DGKH: variants seen among roughly 807,000 people sequenced by gnomAD.
DGKH encodes DAG kinase eta.
Under a neutral mutation model 159.3 loss-of-function variants are expected in DGKH, and 90 were observed. The ratio of observed to expected loss-of-function variants is 0.57; its 90% confidence interval spans 0.48 to 0.67. DGKH has a LOEUF of 0.67. Among genes scored for constraint, DGKH ranks in the 30% least tolerant of loss-of-function variants. The probability of loss-of-function intolerance (pLI) is 0.00; values close to 1 mark genes in which losing one functional copy is unlikely to be tolerated. For missense variants in DGKH, 1,181 were observed against 1,506.1 expected (o/e 0.78, Z 3.57); for synonymous variants, 536 against 553.8 (o/e 0.97, Z 0.45).
chr13:42,177,252 C>A (rs1284253565), intron 12 of DGKH, among the ~76,000 whole-genome samples: 1 of 130,830 alleles, frequency 7.6e-6, no homozygotes, highest in Non-Finnish European at 1.7e-5. Context: ...AGATTGGTAT[C>A]TGTTTTGTAC....
intron 7 of DGKH, among the ~76,000 whole-genome samples, chr13:42,161,584 A>G (rs1480853762): frequency 6.7e-6 from 1 of 149,816 alleles, no homozygotes; most frequent in African/African-American, 2.4e-5. Flanking sequence ...GATCAAGACC[A>G]TCCTGGCTAA....
chr13:42,094,078 T>C (rs1954474853), intron 1 of DGKH, among the ~76,000 whole-genome samples: 1 of 129,348 alleles, frequency 7.7e-6, no homozygotes, highest in African/African-American at 3.0e-5. Context: ...TGAGAACACA[T>C]GGACACAGGA....
intron 3 of DGKH, among the ~76,000 whole-genome samples, chr13:42,145,136 T>G (rs1387017160): frequency 6.6e-6 from 1 of 152,172 alleles, no homozygotes; most frequent in Non-Finnish European, 1.5e-5. Flanking sequence ...CAAAAAGAGA[T>G]TTTCTATTTA....
intron 1 of DGKH, among the ~76,000 whole-genome samples, chr13:42,122,356 G>A (rs9590665): frequency 3.0e-4 from 46 of 152,172 alleles, no homozygotes; most frequent in Non-Finnish European, 5.7e-4. Context: ...AAGTCCAAGG[G>A]CATAGCTGGG....
chr13:42,222,850 G>C (rs1023691737), intron 29 of DGKH, among the ~76,000 whole-genome samples: 1 of 152,034 alleles, frequency 6.6e-6, no homozygotes, highest in Admixed American at 6.6e-5. Flanking sequence ...TACAAACATA[G>C]ATATATACAG....
chr13:42,044,168 C>G (rs1424273810), upstream of DGKH: 1 of 152,244 alleles, frequency 6.6e-6, no homozygotes, highest in Non-Finnish European at 1.5e-5. Flanking sequence ...TCTCCTCATT[C>G]ATTTTTGATG....
At chr13:42,109,878 G>C (rs1372723870) in intron 1 of DGKH, among the ~76,000 whole-genome samples, 1 of 152,030 alleles carries the variant, frequency 6.6e-6, no homozygotes, top group African/African-American at 2.4e-5. Flanking sequence ...TCCTTTTTAG[G>C]GGTATCAGTC....
intron 3 of DGKH, among the ~76,000 whole-genome samples, chr13:42,145,064 T>C (rs1220936036): frequency 1.3e-5 from 2 of 152,218 alleles, no homozygotes; most frequent in African/African-American, 4.8e-5. Context: ...GATTCCCCTT[T>C]GCATTTTATT....
At chr13:42,127,069 C>G (rs1955185245) in intron 1 of DGKH, among the ~76,000 whole-genome samples, 1 of 152,156 alleles carries the variant, frequency 6.6e-6, no homozygotes, top group Non-Finnish European at 1.5e-5. Flanking sequence ...TGAGATCATC[C>G]AGCTACTAAG....
chr13:42,161,424 G>A (rs1029499930), intron 7 of DGKH, among the ~76,000 whole-genome samples: 6 of 152,052 alleles, frequency 3.9e-5, no homozygotes, highest in African/African-American at 1.2e-4. Context: ...CAAGGTGGGC[G>A]GATCATGGGG....
Position 42,236,456 on chromosome 13 carries a change from A to G in DGKH, c.*7268A>G, listed in dbSNP as rs1349998637. 5 of 152,208 alleles carry G rather than the reference A, an allele frequency of 3.3e-5. No individual in the cohort carries two copies. Among genetic ancestry groups the G allele is most frequent in the Non-Finnish European group, 5.9e-5 (4 of 68,030 alleles). 9.4% of individuals were successfully genotyped at this position (152,208 alleles called of 1,614,324 possible). On this transcript the variant is annotated 3_prime_UTR_variant, in exon 30 of 30. Coordinates refer to ENST00000337343, the MANE Select transcript of DGKH (RefSeq NM_178009.5). ...TATTTTTTTAAAATATAAAGCCAAA[A>G]TGAATTCACCAATATTAAGGATTTA...
chr13:42,086,028 C>A (rs1206322052), intron 1 of DGKH, among the ~76,000 whole-genome samples: 1 of 152,000 alleles, frequency 6.6e-6, no homozygotes, highest in Admixed American at 6.6e-5. Context: ...AAGCGATTCT[C>A]GTGCCTCAGC....
At position 42,184,235 on chromosome 13, in the gene DGKH, A is replaced by G. The variant is rs1323279178; in HGVS notation, c.1539-2814A>G. Among the ~76,000 whole-genome samples, 3 of 152,082 alleles carry G rather than the reference A, an allele frequency of 2.0e-5. No homozygotes were observed. The East Asian group carries it at 5.8e-4, about 29-fold the overall frequency. On this transcript the variant is annotated intron_variant, in intron 13 of 29. Coordinates refer to ENST00000337343, the MANE Select transcript of DGKH (RefSeq NM_178009.5). The stretch of plus-strand genomic sequence containing the variant: ...GAACTTTTTATTAGATGAAAAATGA[A>G]TTTTTCAGATATGATGACCCTGCCT...
At chr13:42,256,319 G>A in exon 31 of DGKH, 1 of 1,594,042 alleles carries the variant, frequency 6.3e-7, no homozygotes, top group East Asian at 2.2e-5. Context: ...GGGAATCCAG[G>A]CCAATACAGA....
rs571817081 is a variant in DGKH at position 42,096,746 on chromosome 13, T to C, written c.193-30717T>C. ...GAAGCTAATGTTCCTGTTACCTGAC[T>C]GAGGACCCTTTCAAGATGGAGGTAT... On this transcript the variant is annotated intron_variant, in intron 1 of 29. Coordinates refer to ENST00000337343, the MANE Select transcript of DGKH (RefSeq NM_178009.5). Among the ~76,000 whole-genome samples the C allele has an allele frequency of 1.4e-4, 22 of 152,300 alleles. No homozygotes were observed. The East Asian group carries it at 3.9e-3, about 27-fold the overall frequency.
intron 3 of DGKH, among the ~76,000 whole-genome samples, chr13:42,146,890 G>A (rs757125876): frequency 6.6e-6 from 1 of 152,192 alleles, no homozygotes; most frequent in Non-Finnish European, 1.5e-5. Flanking sequence ...TATCATAAAT[G>A]TTTATTGCCT....
At position 42,105,939 on chromosome 13, in the gene DGKH, A is replaced by G. The variant is rs1954744026; in HGVS notation, c.193-21524A>G. ...ATTAATGAATAGATCTGTGAAAACAATGTATTTCATATGTGAATAATTAAA... is the reference window on the plus strand; with the variant it reads ...ATTAATGAATAGATCTGTGAAAACAGTGTATTTCATATGTGAATAATTAAA... On this transcript the variant is annotated intron_variant, in intron 1 of 29. Transcript: ENST00000337343. Among the ~76,000 whole-genome samples, 5 of 152,290 alleles carry G rather than the reference A, an allele frequency of 3.3e-5. No individual in the cohort carries two copies. The South Asian group carries it at 1.0e-3, about 32-fold the overall frequency.
chr13:42,117,936 G>A (rs9315889), intron 1 of DGKH, among the ~76,000 whole-genome samples: 20,465 of 152,078 alleles, frequency 0.13, 1,577 homozygotes, highest in South Asian at 0.18. Flanking sequence ...AGGCATTTCC[G>A]GCCAGGCGTG....
intron 21 of DGKH, among the ~76,000 whole-genome samples, chr13:42,207,149 CCTTCCTTCCTTCCTTCCTTCCT>C (rs1957524579): frequency 4.1e-5 from 3 of 72,416 alleles, no homozygotes; most frequent in South Asian, 5.8e-4. Context: ...TTCCTTCCTT[CCTTCCTTCCTTCCTTCCTTCCT>C]TCCTTCCTTC....
Sources: allele counts gnomAD v4.1 joint callset (sites outside exome capture counted in the v4.1 genomes callset), GRCh38; gene constraint gnomAD v4.1.1; transcripts MANE v1.5; gene names NCBI Gene and HGNC (gene_info 2026-07-23, HGNC 2026-07-21).